Variants in SRD5A2 observed in about 807,000 individuals in gnomAD.
SRD5A2 encodes the protein 3-oxo-5-alpha-steroid 4-dehydrogenase 2.
Under a neutral mutation model 27.4 loss-of-function variants are expected in SRD5A2, and 30 were observed. That is an observed-to-expected ratio of 1.10 (90% CI 0.82 to 1.49). The LOEUF (loss-of-function observed/expected upper bound fraction) is 1.49. SRD5A2 is among the 40% of genes most tolerant of loss of function. SRD5A2 has a pLI of 0.00. For missense variants in SRD5A2, 348 were observed against 323.4 expected (o/e 1.08, Z -0.58); for synonymous variants, 141 against 133.6 (o/e 1.06, Z -0.38).
chr2:31,614,041 T>C, the SRD5A2 span, among the ~76,000 whole-genome samples: 1 of 152,094 alleles, frequency 6.6e-6, no homozygotes, highest in Non-Finnish European at 1.5e-5. Flanking sequence ...TCTGCAACTG[T>C]CCCCTCTCAA....
rs753844987 is a variant in SRD5A2 at position 31,524,621 on chromosome 2, CTTAT to C, written c.*1571_*1574del. ...AGGTATTTAATGAACAACAAAAACACTTATTTATATGATTGCAATTTGCATTTTT... is the reference window on the plus strand; with the variant it reads ...AGGTATTTAATGAACAACAAAAACACTTATATGATTGCAATTTGCATTTTT... On this transcript the variant is annotated 3_prime_UTR_variant, in exon 5 of 5. Coordinates refer to ENST00000622030, the MANE Select transcript of SRD5A2 (RefSeq NM_000348.4). 5.7e-5 allele frequency: 13 copies of C among 230,034 alleles called. No individual in the cohort carries two copies. The highest frequency in any genetic ancestry group is 9.5e-5 in the Non-Finnish European group (11 of 116,088). The allele number at this position is 230,034 out of a possible 1,614,324, so 14.2% of individuals were successfully genotyped here. A position where few individuals can be genotyped will look rare whatever the true frequency, so the allele number is the denominator to read the frequency against.
chr2:31,565,529 T>A (rs1425641947), intron 1 of SRD5A2, among the ~76,000 whole-genome samples: 1 of 151,868 alleles, frequency 6.6e-6, no homozygotes, highest in Non-Finnish European at 1.5e-5. Flanking sequence ...ATATACCATG[T>A]TAACCCTAGT....
chr2:31,630,950 G>C, the SRD5A2 span, among the ~76,000 whole-genome samples: 1 of 152,172 alleles, frequency 6.6e-6, no homozygotes, highest in Non-Finnish European at 1.5e-5. Flanking sequence ...GTAATTGATA[G>C]GGAGACTCTT....
the SRD5A2 span, among the ~76,000 whole-genome samples, chr2:31,648,317 AC>A: frequency 1.3e-5 from 2 of 152,256 alleles, no homozygotes; most frequent in Admixed American, 1.3e-4. Context: ...CATTTGGATT[AC>A]ATATATGAAG....
chr2:31,572,326 G>A (rs1290147397), intron 1 of SRD5A2, among the ~76,000 whole-genome samples: 1 of 152,118 alleles, frequency 6.6e-6, no homozygotes, highest in Non-Finnish European at 1.5e-5. Flanking sequence ...GAAGGAGGGT[G>A]ATGATTGAAA....
At chr2:31,654,235 G>C in the SRD5A2 span, among the ~76,000 whole-genome samples, 84 of 152,234 alleles carry the variant, frequency 5.5e-4, no homozygotes, top group African/African-American at 2.0e-3. Flanking sequence ...ACTGAGATTG[G>C]GCTGAAACCA....
chr2:31,596,776 A>G, the SRD5A2 span, among the ~76,000 whole-genome samples: 1 of 152,164 alleles, frequency 6.6e-6, no homozygotes, highest in Non-Finnish European at 1.5e-5. Flanking sequence ...ACATAGAAAT[A>G]TACTGAACCA....
At chr2:31,557,539 G>A (rs1170214858) in intron 1 of SRD5A2, among the ~76,000 whole-genome samples, 3 of 152,126 alleles carry the variant, frequency 2.0e-5, no homozygotes, top group African/African-American at 7.2e-5. Context: ...AAAACTCAAT[G>A]TGAAGGCTAC....
the SRD5A2 span, among the ~76,000 whole-genome samples, chr2:31,659,274 G>C: frequency 2.0e-5 from 3 of 152,150 alleles, no homozygotes; most frequent in East Asian, 5.8e-4. Flanking sequence ...ACCAGAATAA[G>C]ACAAGGATGC....
the SRD5A2 span, among the ~76,000 whole-genome samples, chr2:31,613,028 A>C: frequency 1.3e-5 from 2 of 152,236 alleles, no homozygotes; most frequent in African/African-American, 4.8e-5. Context: ...AAAATGAATA[A>C]GAGACTGAAA....
chr2:31,558,458 T>C (rs943155799), intron 1 of SRD5A2, among the ~76,000 whole-genome samples: 3 of 152,160 alleles, frequency 2.0e-5, no homozygotes, highest in Non-Finnish European at 4.4e-5. Flanking sequence ...CTTACTTGAG[T>C]GTTCCTAGCT....
chr2:31,610,022 T>C, the SRD5A2 span, among the ~76,000 whole-genome samples: 2 of 152,042 alleles, frequency 1.3e-5, no homozygotes, highest in African/African-American at 4.8e-5. Flanking sequence ...ACTGAATCAA[T>C]AATAAAAATG....
the SRD5A2 span, among the ~76,000 whole-genome samples, chr2:31,656,178 CT>C: frequency 2.0e-5 from 3 of 152,330 alleles, no homozygotes; most frequent in South Asian, 6.2e-4. Flanking sequence ...GATCGTGAAT[CT>C]GTTGGACACA....
At chr2:31,638,715 A>G in the SRD5A2 span, among the ~76,000 whole-genome samples, 6 of 148,938 alleles carry the variant, frequency 4.0e-5, no homozygotes, top group Admixed American at 2.0e-4. Flanking sequence ...TTTGTAGTCT[A>G]TTTCATCTAC....
At chr2:31,658,963 C>A in the SRD5A2 span, among the ~76,000 whole-genome samples, 2 of 152,020 alleles carry the variant, frequency 1.3e-5, no homozygotes, top group South Asian at 2.1e-4. Flanking sequence ...AAATCTGCAA[C>A]AAAATACTAG....
At chr2:31,561,303 TTCTC>T (rs1666618191) in intron 1 of SRD5A2, among the ~76,000 whole-genome samples, 1 of 152,148 alleles carries the variant, frequency 6.6e-6, no homozygotes, top group African/African-American at 2.4e-5. Flanking sequence ...CCTAATTACT[TTCTC>T]TAGTAAGACA....
At chr2:31,588,432 G>A in the SRD5A2 span, among the ~76,000 whole-genome samples, 1 of 152,176 alleles carries the variant, frequency 6.6e-6, no homozygotes, top group Non-Finnish European at 1.5e-5. Flanking sequence ...AGTCCTCACA[G>A]TAGAAACCTT....
At chr2:31,536,189 A>C (rs1666024662) in intron 1 of SRD5A2, among the ~76,000 whole-genome samples, 2 of 152,258 alleles carry the variant, frequency 1.3e-5, no homozygotes, top group Admixed American at 1.3e-4. Context: ...AAGGCTACAG[A>C]AAGGTATTTT....
chr2:31,627,886 T>A, the SRD5A2 span, among the ~76,000 whole-genome samples: 1 of 152,156 alleles, frequency 6.6e-6, no homozygotes, highest in African/African-American at 2.4e-5. Flanking sequence ...GATGGTTTTA[T>A]GCCAAATTAC....
Sources: allele counts gnomAD v4.1 joint callset (sites outside exome capture counted in the v4.1 genomes callset), GRCh38; gene constraint gnomAD v4.1.1; transcripts MANE v1.5; gene names NCBI Gene and HGNC (gene_info 2026-07-23, HGNC 2026-07-21).